The following TTC9C variants were observed in gnomAD, a reference collection of about 807,000 sequenced individuals.
The protein encoded by TTC9C is tetratricopeptide repeat protein 9C.
In TTC9C, 15 loss-of-function variants were observed where a neutral mutation model predicts 22.5. That is an observed-to-expected ratio of 0.67 (90% CI 0.45 to 1.03). The LOEUF is 1.03. Among genes scored for constraint, TTC9C ranks in the 50% least tolerant of loss-of-function variants. The pLI, the probability that TTC9C is intolerant of heterozygous loss-of-function variation, is 0.00. For synonymous variants in TTC9C, 92 were observed against 86.8 expected, an observed-to-expected ratio of 1.06 and a Z score of -0.33; for missense variants, 244 against 214.6, an observed-to-expected ratio of 1.14 and a Z score of -0.86.
chr11:62,728,893 G>C lies in TTC9C; in HGVS notation c.45G>C (p.Gly15=). The part of the protein sequence containing the change: ...LQEAQLYKEE[G]NQRYREGKYR... ...AGGCTCAGCTGTACAAGGAGGAAGG[G>C]AACCAGCGCTACCGGGAAGGGAAGT... Residue 15 remains glycine (G), a synonymous_variant, in exon 1 of 3, where the codon GGG becomes GGC. Transcript: ENST00000316461. 6.2e-7 allele frequency: 1 copy of C among 1,614,146 alleles called. No individual in the cohort carries two copies. The highest frequency in any genetic ancestry group is 1.3e-5 in the African/African-American group (1 of 75,044).
intron 1 of TTC9C, among the ~76,000 whole-genome samples, chr11:62,731,233 C>A (rs1264324528): frequency 7.3e-6 from 1 of 136,956 alleles, no homozygotes; most frequent in African/African-American, 3.1e-5. Context: ...TACATTTCCA[C>A]CTTCACACTT....
intron 1 of TTC9C, 24 bp from the exon 2 acceptor site, chr11:62,735,358 C>T (rs776822801): frequency 6.2e-7 from 1 of 1,611,464 alleles, no homozygotes; most frequent in South Asian, 1.1e-5. Context: ...CCTACCTCTT[C>T]TCTCTTTTCA....
At chr11:62,735,291 C>G (rs560958018) in intron 1 of TTC9C, 91 bp from the exon 2 acceptor site, 34 of 1,492,530 alleles carry the variant, frequency 2.3e-5, no homozygotes, top group Non-Finnish European at 3.0e-5. Context: ...AATGTTGTTA[C>G]CACCCTGTTC....
chr11:62,733,319 C>T (rs2083873732), intron 1 of TTC9C: 2 of 437,554 alleles, frequency 4.6e-6, no homozygotes, highest in South Asian at 4.6e-5. Flanking sequence ...CATATTCCAC[C>T]TAGAACCTGT....
intron 2 of TTC9C, among the ~76,000 whole-genome samples, chr11:62,737,893 T>C (rs2083929490): frequency 6.6e-6 from 1 of 151,948 alleles, no homozygotes; most frequent in South Asian, 2.1e-4. Flanking sequence ...TAACCAAGCA[T>C]GGTGGTGCAT....
At chr11:62,728,271 G>C (rs1033232780), upstream of TTC9C, 2 of 339,250 alleles carry the variant, frequency 5.9e-6, no homozygotes, top group Non-Finnish European at 1.2e-5. Flanking sequence ...ACGGCGCCGG[G>C]TGGGCTTGCA....
At chr11:62,734,778 A>G (rs2083891554) in intron 1 of TTC9C, among the ~76,000 whole-genome samples, 1 of 151,984 alleles carries the variant, frequency 6.6e-6, no homozygotes, top group Non-Finnish European at 1.5e-5. Context: ...CACCATGCTC[A>G]GCCGAGTTTT....
chr11:62,733,171 C>G, intron 1 of TTC9C: 4 of 1,285,044 alleles, frequency 3.1e-6, no homozygotes, highest in Non-Finnish European at 4.1e-6. Flanking sequence ...GAACATTGAC[C>G]TGAATTGCCT....
intron 1 of TTC9C, 113 bp downstream of exon 1, chr11:62,729,199 T>G: frequency 1.1e-6 from 1 of 906,268 alleles, no homozygotes; most frequent in South Asian, 1.7e-5. Context: ...CATCCATTTA[T>G]TCTGCCATGA....
intron 1 of TTC9C, among the ~76,000 whole-genome samples, chr11:62,731,719 T>C (rs944289675): frequency 5.3e-5 from 8 of 151,882 alleles, no homozygotes; most frequent in Non-Finnish European, 7.4e-5. Flanking sequence ...AGACAGAGTC[T>C]TGCTCTGTCG....
intron 1 of TTC9C, among the ~76,000 whole-genome samples, chr11:62,730,406 A>G (rs1339432528): frequency 1.3e-5 from 2 of 151,858 alleles, no homozygotes; most frequent in Non-Finnish European, 2.9e-5. Context: ...TGCCTATAAC[A>G]TGTTGGGCAG....
intron 2 of TTC9C, among the ~76,000 whole-genome samples, chr11:62,737,605 G>T (rs956990250): frequency 2.0e-5 from 3 of 152,134 alleles, no homozygotes; most frequent in Non-Finnish European, 4.4e-5. Flanking sequence ...AATTAATAAA[G>T]ATATAAAATA....
intron 1 of TTC9C, among the ~76,000 whole-genome samples, chr11:62,734,836 C>A (rs567245601): frequency 7.2e-5 from 11 of 152,278 alleles, no homozygotes; most frequent in Admixed American, 7.2e-4. Context: ...CCAAGCCTAA[C>A]TGGCTACTAA....
At chr11:62,729,402 ATTTTATTTTT>A (rs1243875452) in intron 1 of TTC9C, among the ~76,000 whole-genome samples, 6 of 133,324 alleles carry the variant, frequency 4.5e-5, no homozygotes, top group Middle Eastern at 3.4e-3. Flanking sequence ...ATTTTATTTT[ATTTTATTTTT>A]TTTTGAGATG....
rs762611901 is a variant in TTC9C, at chr11:62,738,400, C to G, written c.*18C>G. 7 of 1,549,434 alleles carry G rather than the reference C, an allele frequency of 4.5e-6. No individual in the cohort carries two copies. The East Asian group carries it at 1.6e-4, about 35-fold the overall frequency. ...TTGGTTAACAAAGAAGAAAGATGCT[C>G]CTCCAGTTGAACTTAGGTGGACCAT... On this transcript the variant is annotated 3_prime_UTR_variant, in exon 3 of 3. Transcript: ENST00000316461.
intron 1 of TTC9C, 40 bp downstream of exon 1, chr11:62,729,126 C>T (rs201946287): frequency 1.3e-6 from 2 of 1,560,612 alleles, no homozygotes; most frequent in East Asian, 4.5e-5. Context: ...AGCATTAAGA[C>T]AGGAACATGA....
intron 1 of TTC9C, among the ~76,000 whole-genome samples, chr11:62,730,891 A>G (rs886207883): frequency 8.0e-6 from 1 of 125,082 alleles, no homozygotes; most frequent in African/African-American, 3.5e-5. Context: ...TATTTTATTT[A>G]TTTATTTTTT....
intron 1 of TTC9C, among the ~76,000 whole-genome samples, chr11:62,733,395 C>G (rs1232064729): frequency 6.6e-6 from 1 of 152,068 alleles, no homozygotes; most frequent in East Asian, 1.9e-4. Context: ...GATAGTAACA[C>G]CTATTTAATA....
intron 2 of TTC9C, among the ~76,000 whole-genome samples, chr11:62,736,694 G>GGA (rs1335699184): frequency 2.7e-4 from 38 of 140,648 alleles, no homozygotes; most frequent in African/African-American, 9.8e-4. Context: ...GCTCCGTCTC[G>GGA]GAAAAAAAAA....
Sources: gnomAD v4.1 joint callset for allele counts (sites outside exome capture counted in the v4.1 genomes callset) on GRCh38, gnomAD v4.1.1 for gene constraint, MANE v1.5 for transcripts, NCBI Gene and HGNC (gene_info 2026-07-23, HGNC 2026-07-21) for gene names.